Variants in PIAS2 observed in about 807,000 individuals in gnomAD.
The protein encoded by PIAS2 is E3 SUMO-protein ligase PIAS2.
PIAS2 carries 19 observed loss-of-function variants against 69.7 expected under a neutral mutation model. That is an observed-to-expected ratio of 0.27 (90% CI 0.19 to 0.40). The LOEUF (loss-of-function observed/expected upper bound fraction) is 0.40, where lower values mean the gene tolerates loss of function less well. PIAS2 is among the 10% of genes least tolerant of loss of function. The probability of loss-of-function intolerance (pLI) is 1.00; values close to 1 mark genes in which losing one functional copy is unlikely to be tolerated. For missense variants in PIAS2, 624 were observed against 757.0 expected (o/e 0.82, Z 2.06); for synonymous variants, 261 against 263.2 (o/e 0.99, Z 0.08).
chr18:46,820,862 G>T, intron 12 of PIAS2, 71 bp downstream of exon 12: 1 of 1,449,234 alleles, frequency 6.9e-7, no homozygotes, highest in Non-Finnish European at 9.4e-7. Context: ...AACTATACTG[G>T]CTTCACAGAT....
intron 12 of PIAS2, chr18:46,816,182 C>T (rs953267693): frequency 6.4e-5 from 63 of 985,058 alleles, no homozygotes; most frequent in Non-Finnish European, 7.2e-5. Context: ...TATTCAATTC[C>T]GTGAATTTTT....
At chr18:46,902,733 GA>G (rs770073882) in intron 1 of PIAS2, among the ~76,000 whole-genome samples, 1 of 152,138 alleles carries the variant, frequency 6.6e-6, no homozygotes, top group South Asian at 2.1e-4. Context: ...AAATGTATAT[GA>G]AAAGGCAAAA....
intron 12 of PIAS2, chr18:46,815,803 C>G: frequency 1.2e-5 from 12 of 995,004 alleles, no homozygotes; most frequent in Non-Finnish European, 1.4e-5. Context: ...TCAATGACAG[C>G]TCTCTGTCCC....
intron 2 of PIAS2, among the ~76,000 whole-genome samples, chr18:46,886,761 C>T (rs1335469047): frequency 6.6e-6 from 1 of 151,954 alleles, no homozygotes. Context: ...TGCTTGAACC[C>T]GGGGAAGTGG....
At chr18:46,881,955 G>A (rs1037475604) in intron 2 of PIAS2, among the ~76,000 whole-genome samples, 5 of 152,100 alleles carry the variant, frequency 3.3e-5, no homozygotes, top group Non-Finnish European at 7.3e-5. Context: ...AAATTAGCTG[G>A]GCATGGTGAC....
intron 2 of PIAS2, among the ~76,000 whole-genome samples, chr18:46,881,643 A>G (rs1182994594): frequency 6.6e-6 from 1 of 152,186 alleles, no homozygotes; most frequent in Non-Finnish European, 1.5e-5. Context: ...TTCTCCATTC[A>G]TTAGGCCAAT....
At chr18:46,864,920 TTTTC>T (rs1226053685) in intron 2 of PIAS2, among the ~76,000 whole-genome samples, 1 of 152,196 alleles carries the variant, frequency 6.6e-6, no homozygotes, top group African/African-American at 2.4e-5. Flanking sequence ...TTTTGTTTAT[TTTTC>T]TTTGTTGTAT....
At chr18:46,885,205 T>C (rs567751422) in intron 2 of PIAS2, among the ~76,000 whole-genome samples, 2 of 152,270 alleles carry the variant, frequency 1.3e-5, no homozygotes, top group South Asian at 4.1e-4. Context: ...AATATACTAA[T>C]GTATCTTCTT....
Position 46,827,985 on chromosome 18 carries a change from T to C in PIAS2, c.1482A>G (p.Ser494=), listed in dbSNP as rs367636994. ...CTTTGGTTGGGCTGCTTTGTGTTTC[T>C]GACATAAAGATGCATTTCCTTTTGG... ...PPAKRKCIFM[S]ETQSSPTKGV... is the part of the protein sequence containing the mutation. Residue 494 remains serine, a synonymous_variant, in exon 11 of 14, where the codon TCA becomes TCG. Transcript: ENST00000585916. 6.4e-5 allele frequency: 103 copies of C among 1,613,762 alleles called. No homozygotes were observed. Among genetic ancestry groups the C allele is most frequent in the Non-Finnish European group, 8.6e-5 (101 of 1,179,862 alleles).
At position 46,875,117 on chromosome 18, in the gene PIAS2, C is replaced by T. The variant is rs114580282; in HGVS notation, c.500-10869G>A. On this transcript the variant is annotated intron_variant, in intron 2 of 13. Coordinates refer to ENST00000585916, the MANE Select transcript of PIAS2 (RefSeq NM_004671.5). Reference sequence around the variant, plus strand: ...TCTATGTGACTCAAACTAACCATCCCTTAACCCTTCAGTTTGACGCTTGTT... The same window carrying T: ...TCTATGTGACTCAAACTAACCATCCTTTAACCCTTCAGTTTGACGCTTGTT... 1.9e-3 allele frequency among the ~76,000 whole-genome samples: 289 copies of T among 152,286 alleles called. 1 individual carries two copies. The highest frequency in any genetic ancestry group is 6.7e-3 in the African/African-American group (277 of 41,554).
intron 5 of PIAS2, among the ~76,000 whole-genome samples, chr18:46,851,000 T>C (rs1427308082): frequency 6.6e-6 from 1 of 152,178 alleles, no homozygotes; most frequent in Non-Finnish European, 1.5e-5. Context: ...ACTATAATCA[T>C]TATTCTTTCA....
At chr18:46,860,513 G>A (rs1018685615) in intron 3 of PIAS2, among the ~76,000 whole-genome samples, 2 of 152,148 alleles carry the variant, frequency 1.3e-5, no homozygotes, top group African/African-American at 4.8e-5. Context: ...ATTAAAGAGC[G>A]CTCAAAGTGG....
At chr18:46,910,378 G>A (rs969107420) in intron 1 of PIAS2, among the ~76,000 whole-genome samples, 14 of 151,976 alleles carry the variant, frequency 9.2e-5, no homozygotes, top group Admixed American at 4.6e-4. Flanking sequence ...GTTTACATAC[G>A]CCTTACCTGT....
In PIAS2 at chr18:46,890,893, T is replaced by A. The variant is rs530953202; in HGVS notation, c.186A>T (p.Arg62Ser). ...CTTCAAGAGTTCGTGGATATCGGCGTCTATACAATTCTCGGATTTTAATCT... is the reference window on the plus strand; with the variant it reads ...CTTCAAGAGTTCGTGGATATCGGCGACTATACAATTCTCGGATTTTAATCT... ...AVQIKIRELYRRRYPRTLEGL... is the reference protein window; with the variant it reads ...AVQIKIRELYSRRYPRTLEGL... Residue 62 changes from arginine to serine, a missense_variant, in exon 2 of 14, where the codon AGA becomes AGT. This residue lies in a region of PIAS2 where 339 missense variants were observed against 408.8 expected (regional missense o/e 0.83). Coordinates refer to ENST00000585916, the MANE Select transcript of PIAS2 (RefSeq NM_004671.5). 1 of 1,614,136 alleles carries A rather than the reference T, an allele frequency of 6.2e-7. No individual in the cohort carries two copies. The highest frequency in any genetic ancestry group is 2.2e-5 in the East Asian group (1 of 44,882).
chr18:46,812,975 A>G (rs1431533396), intron 13 of PIAS2, among the ~76,000 whole-genome samples: 1 of 152,118 alleles, frequency 6.6e-6, no homozygotes, highest in Non-Finnish European at 1.5e-5. Context: ...CAATTTTGAA[A>G]GAATTGTTGA....
intron 12 of PIAS2, chr18:46,818,180 C>T: frequency 1.7e-6 from 2 of 1,153,500 alleles, no homozygotes; most frequent in Non-Finnish European, 2.1e-6. Context: ...TTATTTGAGT[C>T]ATAAACTTTT....
chr18:46,906,857 T>C (rs7238877), intron 1 of PIAS2, among the ~76,000 whole-genome samples: 11,613 of 151,468 alleles, frequency 0.077, 487 homozygotes, highest in African/African-American at 0.099. Context: ...CCTTGAACAA[T>C]TACAAGCCAG....
At chr18:46,857,834 G>C (rs1439826645) in intron 3 of PIAS2, among the ~76,000 whole-genome samples, 1 of 152,138 alleles carries the variant, frequency 6.6e-6, no homozygotes, top group Non-Finnish European at 1.5e-5. Flanking sequence ...TTACATACTG[G>C]TCCATCAGAT....
In PIAS2 at chr18:46,811,758, G is replaced by C. The variant is rs1380635158; in HGVS notation, c.*675C>G. 2 of 152,148 alleles carry C rather than the reference G, an allele frequency of 1.3e-5. No homozygotes were observed. Among genetic ancestry groups the C allele is most frequent in the African/African-American group, 4.8e-5 (2 of 41,438 alleles). The allele number at this position is 152,148 out of a possible 1,614,324, so 9.4% of individuals were successfully genotyped here. The stretch of plus-strand genomic sequence containing the variant: ...ACCAATGAAGAGTAGCCAAATCCCA[G>C]AACTTCACACAGCACTCATTAGCAA... On this transcript the variant is annotated 3_prime_UTR_variant, in exon 14 of 14. Transcript: ENST00000585916.
Sources: gnomAD v4.1 joint callset for allele counts (sites outside exome capture counted in the v4.1 genomes callset) on GRCh38, gnomAD v4.1.1 for gene constraint, gnomAD v4.1.1 regional missense constraint, MANE v1.5 for transcripts, NCBI Gene and HGNC (gene_info 2026-07-23, HGNC 2026-07-21) for gene names.